Variants in PEX5L observed in about 807,000 individuals in gnomAD.
The protein encoded by PEX5L is PEX5-related protein.
In PEX5L, 30 loss-of-function variants were observed where a neutral mutation model predicts 84.0. The ratio of observed to expected loss-of-function variants is 0.36; its 90% CI spans 0.27 to 0.48. The LOEUF is 0.48. Among genes scored for constraint, PEX5L ranks in the 20% least tolerant of loss-of-function variants. The pLI, the probability that PEX5L is intolerant of heterozygous loss-of-function variation, is 0.99. For missense variants in PEX5L, 533 were observed against 754.6 expected (o/e 0.71, Z 3.44); for synonymous variants, 270 against 283.1 (o/e 0.95, Z 0.46).
chr3:179,962,833 C>T (rs995760848), intron 2 of PEX5L, among the ~76,000 whole-genome samples: 1 of 152,186 alleles, frequency 6.6e-6, no homozygotes, highest in African/African-American at 2.4e-5. Context: ...TTTTTACACT[C>T]AACCTGTCAG....
intron 8 of PEX5L, among the ~76,000 whole-genome samples, chr3:179,853,782 TTCC>T (rs1742862082): frequency 6.8e-6 from 1 of 147,922 alleles, no homozygotes; most frequent in Non-Finnish European, 1.5e-5. Flanking sequence ...CTTCTTCTTC[TTCC>T]TCTTCCTCTT....
intron 3 of PEX5L, among the ~76,000 whole-genome samples, chr3:179,890,638 C>T (rs1757319616): frequency 6.6e-6 from 1 of 152,096 alleles, no homozygotes; most frequent in Admixed American, 6.6e-5. Context: ...CCCCTGTACT[C>T]TTTCTTTACT....
chr3:179,827,482 ACT>A (rs961016265), intron 8 of PEX5L, among the ~76,000 whole-genome samples: 1 of 152,076 alleles, frequency 6.6e-6, no homozygotes, highest in African/African-American at 2.4e-5. Flanking sequence ...CCTTCAAGCC[ACT>A]CTGACACCTT....
chr3:180,028,811 A>G (rs947018046), intron 1 of PEX5L, among the ~76,000 whole-genome samples: 3 of 152,244 alleles, frequency 2.0e-5, no homozygotes, highest in African/African-American at 7.2e-5. Flanking sequence ...GACATAAGGA[A>G]CTGTTGACCT....
intron 8 of PEX5L, among the ~76,000 whole-genome samples, chr3:179,827,948 G>T (rs557920026): frequency 7.9e-5 from 12 of 152,220 alleles, no homozygotes; most frequent in African/African-American, 2.6e-4. Context: ...TCTAGTTTTA[G>T]CAAGAATCCT....
intron 1 of PEX5L, among the ~76,000 whole-genome samples, chr3:179,991,524 C>A (rs1300547376): frequency 6.6e-6 from 1 of 152,132 alleles, no homozygotes; most frequent in Non-Finnish European, 1.5e-5. Context: ...TCCCCCTCTA[C>A]TCATCTCTGG....
chr3:179,880,994 C>T (rs1365220705), intron 4 of PEX5L: 1 of 152,266 alleles, frequency 6.6e-6, no homozygotes, highest in Non-Finnish European at 1.5e-5. Flanking sequence ...TTTCACTGGC[C>T]CTGGCACTGC....
intron 2 of PEX5L, among the ~76,000 whole-genome samples, chr3:179,946,502 T>C (rs1167217118): frequency 6.6e-6 from 1 of 152,086 alleles, no homozygotes; most frequent in Non-Finnish European, 1.5e-5. Context: ...AGAAGTTAGA[T>C]GAGAAACTGT....
intron 8 of PEX5L, among the ~76,000 whole-genome samples, chr3:179,855,197 G>A (rs1342894122): frequency 6.6e-6 from 1 of 152,070 alleles, no homozygotes; most frequent in Non-Finnish European, 1.5e-5. Context: ...CCGATCATGA[G>A]GCAGGATGAT....
At chr3:179,952,572 C>A (rs919787077) in intron 2 of PEX5L, among the ~76,000 whole-genome samples, 6 of 151,974 alleles carry the variant, frequency 3.9e-5, no homozygotes, top group Admixed American at 6.6e-5. Flanking sequence ...TTAGGGAGAA[C>A]CATAAACTAC....
intron 8 of PEX5L, among the ~76,000 whole-genome samples, chr3:179,831,330 A>C (rs925807766): frequency 3.3e-5 from 5 of 152,044 alleles, no homozygotes; most frequent in African/African-American, 9.7e-5. Flanking sequence ...AAAAAAAAAA[A>C]AAAAACCTAC....
Position 179,819,971 on chromosome 3 carries a change from A to T in PEX5L, c.828T>A (p.Asp276Glu). 5 of 1,612,540 alleles carry T rather than the reference A, an allele frequency of 3.1e-6. No homozygotes were observed. The highest frequency in any genetic ancestry group is 4.2e-6 in the Non-Finnish European group (5 of 1,178,594). Residue 276 changes from aspartate (D) to glutamate (E), a missense_variant, in exon 9 of 15, where the codon GAT (aspartate) becomes GAA (glutamate). Physicochemically the swap from Asp to Glu is conservative, Grantham distance 45 (BLOSUM62 2). Transcript: ENST00000467460. Reference sequence around the variant, plus strand: ...CTTGCATCTTATCCCAAAACTCTGTATCTGACTGGGAGACAGGAAAAATGA... The same window carrying T: ...CTTGCATCTTATCCCAAAACTCTGTTTCTGACTGGGAGACAGGAAAAATGA... ...FERAKAAVES[D>E]TEFWDKMQAE...
At chr3:179,884,348 G>C (rs1008162562) in intron 4 of PEX5L, among the ~76,000 whole-genome samples, 1 of 152,182 alleles carries the variant, frequency 6.6e-6, no homozygotes, top group Non-Finnish European at 1.5e-5. Context: ...AGTTAGGGGG[G>C]TCAGAGCCAG....
At chr3:179,885,647 GAA>G (rs113259941) in intron 4 of PEX5L, among the ~76,000 whole-genome samples, 5 of 120,392 alleles carry the variant, frequency 4.2e-5, no homozygotes, top group Non-Finnish European at 7.0e-5. Flanking sequence ...CTCCGTCTCA[GAA>G]AAAAAAAAAA....
chr3:179,875,121 C>A (rs1751897880), intron 6 of PEX5L, among the ~76,000 whole-genome samples: 2 of 148,104 alleles, frequency 1.4e-5, no homozygotes, highest in African/African-American at 5.0e-5. Flanking sequence ...ACATTATTAA[C>A]AATGTTGATT....
At chr3:179,906,098 G>A (rs1432715839) in intron 2 of PEX5L, among the ~76,000 whole-genome samples, 1 of 152,156 alleles carries the variant, frequency 6.6e-6, no homozygotes, top group Admixed American at 6.5e-5. Flanking sequence ...GGGTAAAGAT[G>A]CTTAAAACTT....
intron 5 of PEX5L, among the ~76,000 whole-genome samples, chr3:179,876,799 T>C (rs567939071): frequency 7.6e-4 from 116 of 152,300 alleles, no homozygotes; most frequent in African/African-American, 2.6e-3. Context: ...CTATTGTAGG[T>C]ACCTCATACA....
At chr3:179,970,542 C>T (rs1306362958) in intron 2 of PEX5L, among the ~76,000 whole-genome samples, 2 of 152,224 alleles carry the variant, frequency 1.3e-5, no homozygotes, top group East Asian at 3.9e-4. Flanking sequence ...TTCTGCACCT[C>T]GGTAGAGAGA....
chr3:179,877,991 C>A (rs1753005994), intron 5 of PEX5L, among the ~76,000 whole-genome samples: 1 of 152,134 alleles, frequency 6.6e-6, no homozygotes, highest in African/African-American at 2.4e-5. Flanking sequence ...TCATCTACAC[C>A]CATGGTTCCA....
Sources: allele counts gnomAD v4.1 joint callset (sites outside exome capture counted in the v4.1 genomes callset), GRCh38; gene constraint gnomAD v4.1.1; transcripts MANE v1.5; gene names NCBI Gene and HGNC (gene_info 2026-07-23, HGNC 2026-07-21).